The following C8orf34 variants were observed in gnomAD, a reference collection of about 807,000 sequenced individuals.
C8orf34 encodes uncharacterized protein C8orf34.
Under a neutral mutation model 68.3 loss-of-function variants are expected in C8orf34, and 65 were observed. That is an observed-to-expected ratio of 0.95 (90% confidence interval 0.78 to 1.17). The LOEUF (loss-of-function observed/expected upper bound fraction) is 1.17. C8orf34 is among the 50% of genes most tolerant of loss of function. The pLI is 0.00. For synonymous variants in C8orf34, 244 were observed against 241.2 expected (o/e 1.01, Z -0.11); for missense variants, 664 against 655.4 (o/e 1.01, Z -0.14).
At chr8:68,474,066 T>C (rs942667993) in intron 4 of C8orf34, among the ~76,000 whole-genome samples, 1 of 152,206 alleles carries the variant, frequency 6.6e-6, no homozygotes, top group African/African-American at 2.4e-5. Flanking sequence ...GCCTTTGTTC[T>C]TTCAAGTGCT....
chr8:68,401,923 A>G (rs576477138), intron 1 of C8orf34, among the ~76,000 whole-genome samples: 1 of 151,726 alleles, frequency 6.6e-6, no homozygotes, highest in South Asian at 2.1e-4. Context: ...TGATACTGGC[A>G]TCATAGAATG....
At chr8:68,685,648 G>A (rs1445651190) in intron 8 of C8orf34, among the ~76,000 whole-genome samples, 1 of 151,976 alleles carries the variant, frequency 6.6e-6, no homozygotes, top group South Asian at 2.1e-4. Flanking sequence ...TTGAGCCCAC[G>A]AGTTTGAGAC....
chr8:68,509,445 C>G (rs1008015293), intron 5 of C8orf34, among the ~76,000 whole-genome samples: 2 of 152,176 alleles, frequency 1.3e-5, no homozygotes, highest in Non-Finnish European at 2.9e-5. Context: ...CTTTTGCTGG[C>G]ATGTTGGGCT....
chr8:68,373,926 T>A (rs1807673927), intron 1 of C8orf34, among the ~76,000 whole-genome samples: 1 of 152,132 alleles, frequency 6.6e-6, no homozygotes, highest in South Asian at 2.1e-4. Flanking sequence ...TTTTTGTTTG[T>A]TTATTTCTCA....
At chr8:68,681,726 T>C (rs1820377501) in intron 8 of C8orf34, among the ~76,000 whole-genome samples, 1 of 152,182 alleles carries the variant, frequency 6.6e-6, no homozygotes, top group African/African-American at 2.4e-5. Context: ...CTCATGTTTA[T>C]TGCAGCACTG....
intron 7 of C8orf34, among the ~76,000 whole-genome samples, chr8:68,542,267 G>C (rs769486167): frequency 6.6e-6 from 1 of 152,096 alleles, no homozygotes; most frequent in East Asian, 1.9e-4. Context: ...GCTTATACAG[G>C]CTATACACTA....
chr8:68,642,689 G>A (rs1819047987), intron 8 of C8orf34, among the ~76,000 whole-genome samples: 1 of 152,170 alleles, frequency 6.6e-6, no homozygotes, highest in South Asian at 2.1e-4. Context: ...TTCCATAACA[G>A]ACCATTAGCA....
chr8:68,443,600 G>T (rs934985835), intron 2 of C8orf34, among the ~76,000 whole-genome samples: 13 of 151,830 alleles, frequency 8.6e-5, no homozygotes, highest in African/African-American at 2.7e-4. Context: ...TAGAGATGGG[G>T]TTTCACCATG....
At chr8:68,373,620 C>A (rs1807659312) in intron 1 of C8orf34, among the ~76,000 whole-genome samples, 1 of 152,160 alleles carries the variant, frequency 6.6e-6, no homozygotes, top group African/African-American at 2.4e-5. Context: ...TTTCCCATTA[C>A]TATGGTTAAC....
intron 1 of C8orf34, among the ~76,000 whole-genome samples, chr8:68,340,682 T>G (rs1427948054): frequency 1.3e-5 from 2 of 152,166 alleles, no homozygotes; most frequent in African/African-American, 4.8e-5. Flanking sequence ...CAAGAAAAGA[T>G]CTTCCAGCCC....
chr8:68,696,257 TAATA>T lies in C8orf34; in HGVS notation c.1242-12732_1242-12729del, dbSNP rs1298501454. 7.4e-5 allele frequency among the ~76,000 whole-genome samples: 11 copies of T among 147,980 alleles called. No homozygotes were observed. In the East Asian group the frequency reaches 2.0e-3, roughly 26 times the overall value. On this transcript the variant is annotated intron_variant, in intron 8 of 13. Transcript: ENST00000518698. ...AATATATAATAAAATACTGTTCATA[TAATA>T]AATATGAACAGTAAAGGATTGGTAA... is the stretch of plus-strand genomic sequence containing the variant.
intron 1 of C8orf34, among the ~76,000 whole-genome samples, chr8:68,374,958 T>C (rs1408883267): frequency 6.6e-6 from 1 of 152,192 alleles, no homozygotes; most frequent in Non-Finnish European, 1.5e-5. Context: ...TGTTTTGACA[T>C]AGCAACTACT....
chr8:68,695,747 C>T (rs1027687768), intron 8 of C8orf34: 3 of 152,098 alleles, frequency 2.0e-5, no homozygotes, highest in Admixed American at 2.0e-4. Context: ...TCATATGTCT[C>T]ATGAGCTTGG....
intron 7 of C8orf34, among the ~76,000 whole-genome samples, chr8:68,577,235 A>C (rs561474780): frequency 1.3e-5 from 2 of 151,986 alleles, no homozygotes; most frequent in Admixed American, 1.3e-4. Context: ...ACATTGAACC[A>C]AAACTAGCAT....
At chr8:68,600,917 G>C (rs192834700) in intron 7 of C8orf34, among the ~76,000 whole-genome samples, 215 of 152,004 alleles carry the variant, frequency 1.4e-3, no homozygotes, top group African/African-American at 5.1e-3. Flanking sequence ...TCTCCTCCTC[G>C]CACACACACT....
chr8:68,344,981 A>G (rs1286488221), intron 1 of C8orf34, among the ~76,000 whole-genome samples: 1 of 152,108 alleles, frequency 6.6e-6, no homozygotes, highest in Non-Finnish European at 1.5e-5. Context: ...AGTAATATTT[A>G]GTTAAATTAA....
intron 6 of C8orf34, among the ~76,000 whole-genome samples, chr8:68,524,194 C>T (rs1307033770): frequency 6.6e-6 from 1 of 152,114 alleles, no homozygotes; most frequent in Non-Finnish European, 1.5e-5. Context: ...ATAATAGATA[C>T]ATGATAGGCT....
At chr8:68,651,400 A>C (rs1231408102) in intron 8 of C8orf34, among the ~76,000 whole-genome samples, 1 of 152,192 alleles carries the variant, frequency 6.6e-6, no homozygotes, top group Non-Finnish European at 1.5e-5. Context: ...TTAGTTCCTC[A>C]AGACTTTGCT....
At chr8:68,403,186 C>T (rs755436091) in intron 1 of C8orf34, among the ~76,000 whole-genome samples, 6 of 152,130 alleles carry the variant, frequency 3.9e-5, no homozygotes, top group Non-Finnish European at 7.4e-5. Flanking sequence ...ACACTTATGC[C>T]CATAGGGGAG....
Sources: allele counts gnomAD v4.1 joint callset (sites outside exome capture counted in the v4.1 genomes callset), GRCh38; gene constraint gnomAD v4.1.1; transcripts MANE v1.5; gene names NCBI Gene and HGNC (gene_info 2026-07-23, HGNC 2026-07-21).